The following SSTR3 variants were observed in gnomAD, a reference collection of about 807,000 sequenced individuals.
SSTR3 encodes the protein somatostatin receptor 3, also known as somatostatin receptor type 3.
For missense variants in SSTR3, 504 were observed against 604.7 expected, an observed-to-expected ratio of 0.83 and a Z score of 1.75; for synonymous variants, 281 against 269.2, an observed-to-expected ratio of 1.04 and a Z score of -0.43.
At position 37,212,061 on chromosome 22, in the gene SSTR3, G is replaced by A. The variant is rs7285571; in HGVS notation, c.-273C>T. 1.4e-3 allele frequency: 1,395 copies of A among 985,560 alleles called. 10 individuals are homozygous for A. In the African/African-American group the frequency reaches 0.02, roughly 14 times the overall value. The allele number at this position is 985,560 out of a possible 1,614,324, so 61.1% of individuals were successfully genotyped here. A position where few individuals can be genotyped will look rare whatever the true frequency, so the allele number is the denominator to read the frequency against. On this transcript the variant is annotated 5_prime_UTR_variant, in exon 1 of 2. In the 5' UTR this introduces an upstream ATG that the reference lacks. Coordinates refer to ENST00000610913, the MANE Select transcript of SSTR3 (RefSeq NM_001051.5). ...TGACTTCCCAACCAGAGCCTGGTAC[G>A]TCACCCCCCATCTCCAGGACACATC...
At chr22:37,208,471 G>A (rs1454948852) in intron 1 of SSTR3, among the ~76,000 whole-genome samples, 2 of 152,136 alleles carry the variant, frequency 1.3e-5, no homozygotes, top group African/African-American at 4.8e-5. Flanking sequence ...CCTCCCAAAG[G>A]CCCTGCCCAG....
chr22:37,217,315 C>T (rs554808066), upstream of SSTR3, among the ~76,000 whole-genome samples: 2 of 133,230 alleles, frequency 1.5e-5, no homozygotes, highest in East Asian at 3.9e-4. Flanking sequence ...GTAACTTAAG[C>T]TAATTTTTTT....
upstream of SSTR3, among the ~76,000 whole-genome samples, chr22:37,213,311 C>T (rs903120501): frequency 1.3e-5 from 2 of 152,196 alleles, no homozygotes; most frequent in African/African-American, 4.8e-5. Context: ...GTGCTGATTC[C>T]TGCCTCAGCA....
chr22:37,207,232 C>T lies in SSTR3; in HGVS notation c.572G>A (p.Cys191Tyr). Residue 191 changes from cysteine to tyrosine, a missense_variant, in exon 2 of 2, where the codon TGC becomes TAC. Transcript: ENST00000610913. ...CGCCGGCTCGGGCCACTGCATGTGG[C>T]AGGTGCTCATGCCGCGGGGCACTCC... Reference protein sequence around the residue: ...FSGVPRGMSTCHMQWPEPAAA... With the variant: ...FSGVPRGMSTYHMQWPEPAAA... 1 of 1,608,056 alleles carries T rather than the reference C, an allele frequency of 6.2e-7. No individual in the cohort carries two copies. The highest frequency in any genetic ancestry group is 1.7e-4 in the Middle Eastern group (1 of 6,008).
rs756938730 is a variant in SSTR3 at position 37,206,822 on chromosome 22, G to A, written c.982C>T (p.Leu328=). ...YRFKQGFRRV[L]LRPSRRVRSQ... ...CGCACACGGCGGGAGGGCCGCAGCA[G>A]GACCCTGCGGAAGCCCTGCTTGAAG... The change falls in exon 2 of 2, where the codon CTG becomes TTG. Residue 328 remains leucine, a synonymous_variant. Transcript: ENST00000610913. The A allele has an allele frequency of 6.2e-7, 1 of 1,612,892 alleles. No homozygotes were observed. The highest frequency in any genetic ancestry group is 1.7e-5 in the Admixed American group (1 of 60,036).
At chr22:37,211,412 T>TC (rs976414093) in intron 1 of SSTR3, among the ~76,000 whole-genome samples, 74 of 152,234 alleles carry the variant, frequency 4.9e-4, no homozygotes, top group African/African-American at 1.7e-3. Context: ...AAGTCACTTC[T>TC]CCCCGCTGCA....
intron 1 of SSTR3, among the ~76,000 whole-genome samples, chr22:37,209,222 G>A (rs1417863222): frequency 2.0e-5 from 3 of 152,316 alleles, no homozygotes; most frequent in East Asian, 1.9e-4. Context: ...CAAAGCTCCT[G>A]GGAAGGGAAG....
Position 37,207,357 on chromosome 22 carries a change from G to T in SSTR3, c.447C>A (p.Thr149=), listed in dbSNP as rs369738581. The part of the protein sequence containing the change: ...VDRYLAVVHP[T]RSARWRTAPV... ...GAGCTGTGCGCCAGCGGGCCGAGCG[G>T]GTGGGATGTACCACGGCCAGGTAGC... The change falls in exon 2 of 2, where the codon ACC becomes ACA. Residue 149 remains threonine (T), a synonymous_variant. Transcript: ENST00000610913. The T allele has an allele frequency of 3.7e-6, 6 of 1,609,154 alleles. No homozygotes were observed. In the South Asian group the frequency reaches 6.6e-5, roughly 18 times the overall value.
At chr22:37,211,380 A>T (rs1169905702) in intron 1 of SSTR3, among the ~76,000 whole-genome samples, 1 of 152,224 alleles carries the variant, frequency 6.6e-6, no homozygotes, top group Non-Finnish European at 1.5e-5. Context: ...CGATGATGCC[A>T]AATTGCTGTG....
In SSTR3 at chr22:37,206,795, T is replaced by C. The variant is rs762283089; in HGVS notation, c.1009A>G (p.Ser337Gly). 10 of 1,611,998 alleles carry C rather than the reference T, an allele frequency of 6.2e-6. No individual in the cohort carries two copies. The South Asian group carries it at 1.1e-4, about 18-fold the overall frequency. Residue 337 changes from serine (S) to glycine (G), a missense_variant, in exon 2 of 2, where the codon AGC (serine) becomes GGC (glycine). Transcript: ENST00000610913. ...VLLRPSRRVR[S>G]QEPTVGPPEK... ...GGGGGCCCCACAGTGGGCTCCTGGC[T>C]GCGCACACGGCGGGAGGGCCGCAGC...
upstream of SSTR3, among the ~76,000 whole-genome samples, chr22:37,215,275 TCTCC>T (rs1001853139): frequency 2.6e-5 from 4 of 152,036 alleles, no homozygotes; most frequent in African/African-American, 9.7e-5. Flanking sequence ...AGAAACAGGG[TCTCC>T]CTATGTTGGC....
chr22:37,218,542 G>A, the SSTR3 span, among the ~76,000 whole-genome samples: 2 of 152,160 alleles, frequency 1.3e-5, no homozygotes, highest in East Asian at 3.8e-4. Context: ...CAGCATCAGG[G>A]GAGAGGGGAA....
chr22:37,205,593 C>T lies in SSTR3; in HGVS notation c.*954G>A, dbSNP rs1285558946. 2 of 152,212 alleles carry T rather than the reference C, an allele frequency of 1.3e-5. No individual in the cohort carries two copies. The highest frequency in any genetic ancestry group is 2.9e-5 in the Non-Finnish European group (2 of 68,086). 9.4% of individuals were successfully genotyped at this position (152,212 alleles called of 1,614,324 possible). ...CTCCAGGAAGGGAGAATATGGGTCA[C>T]AAGGAGAGGAACAGGGATGGCCCTT... On this transcript the variant is annotated 3_prime_UTR_variant, in exon 2 of 2. Transcript: ENST00000610913.
chr22:37,211,232 T>C (rs1439746740), intron 1 of SSTR3, among the ~76,000 whole-genome samples: 2 of 152,208 alleles, frequency 1.3e-5, no homozygotes, highest in African/African-American at 4.8e-5. Context: ...GTCCTCTACA[T>C]GCTTCGGCCT....
chr22:37,207,094 C>A lies in SSTR3; in HGVS notation c.710G>T (p.Gly237Val). 2.5e-6 allele frequency: 4 copies of A among 1,612,486 alleles called. No homozygotes were observed. Among genetic ancestry groups the A allele is most frequent in the Non-Finnish European group, 3.4e-6 (4 of 1,179,644 alleles). Residue 237 changes from glycine to valine, a missense_variant, in exon 2 of 2, where the codon GGG becomes GTG. Transcript: ENST00000610913. Reference sequence around the variant, plus strand: ...GCACGAGGGTGCCCACACCCGGCGCCCAGCTGAGCGCACCTTCACCACGAT... The same window carrying A: ...GCACGAGGGTGCCCACACCCGGCGCACAGCTGAGCGCACCTTCACCACGAT... The part of the protein sequence containing the change: ...LLIVVKVRSA[G>V]RRVWAPSCQR...
chr22:37,211,881 TC>T lies in SSTR3; in HGVS notation c.-94del. 2 of 985,728 alleles carry T rather than the reference TC, an allele frequency of 2.0e-6. No individual in the cohort carries two copies. Among genetic ancestry groups the T allele is most frequent in the Non-Finnish European group, 2.4e-6 (2 of 830,202 alleles). The allele number at this position is 985,728 out of a possible 1,614,324, so 61.1% of individuals were successfully genotyped here. A position where few individuals can be genotyped will look rare whatever the true frequency, so the allele number is the denominator to read the frequency against. On this transcript the variant is annotated 5_prime_UTR_variant, in exon 1 of 2. Transcript: ENST00000610913. ...CGCCAGGCTGGTTATCATTCTGCTG[TC>T]CCCTCTCCCTGCCCAGTCCCCAGGT...
chr22:37,211,709 C>A, intron 1 of SSTR3, 116 bp downstream of exon 1: 3 of 975,938 alleles, frequency 3.1e-6, no homozygotes, highest in Non-Finnish European at 3.7e-6. Context: ...TCCTGCCTCC[C>A]TGGGAGTCCC....
rs34176524 is a variant in SSTR3, at chr22:37,207,375, C to T, written c.429G>A (p.Leu143=). The T allele has an allele frequency of 5.6e-6, 9 of 1,611,548 alleles. No individual in the cohort carries two copies. In the East Asian group the frequency reaches 2.0e-4, roughly 36 times the overall value. Residue 143 remains leucine (L), a synonymous_variant, in exon 2 of 2, where the codon CTG becomes CTA. Transcript: ENST00000610913. ...CCGAGCGGGTGGGATGTACCACGGC[C>T]AGGTAGCGGTCCACGCTCATGACAG... ...CLTVMSVDRY[L]AVVHPTRSAR...
rs878970875 is a variant in SSTR3, at chr22:37,212,266, C to A, written c.-478G>T. 9.5e-6 allele frequency: 4 copies of A among 422,158 alleles called. No homozygotes were observed. The South Asian group carries it at 3.0e-4, about 31-fold the overall frequency. The allele number at this position is 422,158 out of a possible 1,614,324, so 26.2% of individuals were successfully genotyped here. A position where few individuals can be genotyped will look rare whatever the true frequency, so the allele number is the denominator to read the frequency against. ...GAGAGAGAGGGAGAGGGAGAGGAGA[C>A]CGTGAGTAGGAGGAAAGGCAGAATG... is the stretch of plus-strand genomic sequence containing the variant. On this transcript the variant is annotated 5_prime_UTR_variant, in exon 1 of 2. Transcript: ENST00000610913.
Sources: allele counts gnomAD v4.1 joint callset (sites outside exome capture counted in the v4.1 genomes callset), GRCh38; gene constraint gnomAD v4.1.1; transcripts MANE v1.5; gene names NCBI Gene and HGNC (gene_info 2026-07-23, HGNC 2026-07-21).